ARHGAP19: variants seen among roughly 807,000 people sequenced by gnomAD.
The protein encoded by ARHGAP19 is rho GTPase-activating protein 19.
Under a neutral mutation model 60.9 loss-of-function variants are expected in ARHGAP19, and 48 were observed. The observed-to-expected ratio is 0.79, with a 90% CI of 0.62 to 1.00. The LOEUF is 1.00. Ranked by LOEUF, ARHGAP19 falls within the 50% of genes least tolerant of loss-of-function variation. ARHGAP19 has a pLI of 0.00. For missense variants in ARHGAP19, 562 were observed against 597.2 expected (o/e 0.94, Z 0.61); for synonymous variants, 209 against 215.5 (o/e 0.97, Z 0.27).
chr10:97,243,890 T>C, intron 8 of ARHGAP19, 78 bp downstream of exon 8: 1 of 1,354,536 alleles, frequency 7.4e-7, no homozygotes, highest in East Asian at 2.3e-5. Flanking sequence ...AATGAGATTC[T>C]TAACAATATG....
At chr10:97,265,179 A>ATT (rs1031634328) in intron 2 of ARHGAP19, among the ~76,000 whole-genome samples, 2 of 152,066 alleles carry the variant, frequency 1.3e-5, no homozygotes, top group Non-Finnish European at 2.9e-5. Flanking sequence ...AAGTAAGGAG[A>ATT]TATCTAGCGT....
intron 1 of ARHGAP19, among the ~76,000 whole-genome samples, chr10:97,285,322 T>C (rs908564962): frequency 3.3e-5 from 5 of 152,084 alleles, no homozygotes; most frequent in Admixed American, 2.0e-4. Flanking sequence ...ATACAATTTT[T>C]TAAAACAAAT....
intron 1 of ARHGAP19, among the ~76,000 whole-genome samples, chr10:97,274,846 C>T (rs1246247616): frequency 6.6e-6 from 1 of 152,096 alleles, no homozygotes; most frequent in African/African-American, 2.4e-5. Context: ...GCAACTATCC[C>T]AAAGAATGAT....
At chr10:97,260,294 G>T (rs1842812493) in intron 4 of ARHGAP19, among the ~76,000 whole-genome samples, 1 of 150,958 alleles carries the variant, frequency 6.6e-6, no homozygotes, top group African/African-American at 2.4e-5. Context: ...ACTTTGAGAG[G>T]CCGAGGCGGG....
At chr10:97,237,849 C>T (rs1427075652) in intron 8 of ARHGAP19, among the ~76,000 whole-genome samples, 4 of 151,088 alleles carry the variant, frequency 2.6e-5, no homozygotes, top group Non-Finnish European at 4.4e-5. Context: ...CCAGCCTGGG[C>T]GAAAGAGCGA....
intron 1 of ARHGAP19, among the ~76,000 whole-genome samples, chr10:97,280,599 C>T (rs1212077772): frequency 6.6e-6 from 1 of 150,562 alleles, no homozygotes; most frequent in Non-Finnish European, 1.5e-5. Flanking sequence ...TTTTTTTTCC[C>T]CTAAGACAGG....
intron 6 of ARHGAP19, among the ~76,000 whole-genome samples, chr10:97,247,070 G>C (rs1437530904): frequency 1.3e-5 from 2 of 151,802 alleles, no homozygotes; most frequent in Non-Finnish European, 2.9e-5. Flanking sequence ...CCAGGAGACA[G>C]AGGTTGCAGT....
At chr10:97,272,258 C>G (rs2134903066) in intron 1 of ARHGAP19, among the ~76,000 whole-genome samples, 1 of 150,084 alleles carries the variant, frequency 6.7e-6, no homozygotes, top group East Asian at 2.0e-4. Context: ...GCCTCAGCCT[C>G]CTGAGTAGCT....
chr10:97,265,027 A>T (rs1328840692), intron 2 of ARHGAP19, 121 bp from the exon 3 acceptor site: 1 of 732,024 alleles, frequency 1.4e-6, no homozygotes, highest in Non-Finnish European at 2.3e-6. Context: ...TGGTCAGTAA[A>T]CAAAAACCTT....
chr10:97,289,562 G>A (rs928765415), intron 1 of ARHGAP19, among the ~76,000 whole-genome samples: 1 of 152,054 alleles, frequency 6.6e-6, no homozygotes, highest in Non-Finnish European at 1.5e-5. Context: ...CAGGCCAGGC[G>A]CAGTGGCTGA....
Position 97,229,307 on chromosome 10 carries a change from G to A in ARHGAP19, c.1396-82C>T, listed in dbSNP as rs1315133137. The A allele has an allele frequency of 3.4e-6, 4 of 1,180,646 alleles. No homozygotes were observed. In the African/African-American group the frequency reaches 6.1e-5, roughly 18 times the overall value. 73.1% of individuals were successfully genotyped at this position (1,180,646 alleles called of 1,614,324 possible). A position where few individuals can be genotyped will look rare whatever the true frequency, so the allele number is the denominator to read the frequency against. On this transcript the variant is annotated intron_variant, in intron 10 of 11. Coordinates refer to ENST00000358531, the MANE Select transcript of ARHGAP19 (RefSeq NM_032900.6). Reference sequence around the variant, plus strand: ...GACTTTACTAACAAATGAATTATTTGTTCAATTTCAATGTGAAGAGTTTTT... The same window carrying A: ...GACTTTACTAACAAATGAATTATTTATTCAATTTCAATGTGAAGAGTTTTT...
intron 3 of ARHGAP19, 48 bp downstream of exon 3, chr10:97,264,778 C>G (rs1417577973): frequency 1.4e-6 from 2 of 1,447,938 alleles, no homozygotes; most frequent in East Asian, 4.5e-5. Context: ...CAACAGAAAA[C>G]AGAATTCTTC....
chr10:97,237,081 A>G (rs1162630304), intron 8 of ARHGAP19, among the ~76,000 whole-genome samples: 1 of 152,024 alleles, frequency 6.6e-6, no homozygotes, highest in East Asian at 1.9e-4. Context: ...CCTGGGCAAC[A>G]TGGCGAAACC....
chr10:97,290,770 G>A (rs368138808), intron 1 of ARHGAP19, among the ~76,000 whole-genome samples: 12 of 152,204 alleles, frequency 7.9e-5, no homozygotes, highest in Admixed American at 7.2e-4. Flanking sequence ...GCGGACCCCT[G>A]GAACAGCCTG....
In ARHGAP19 at chr10:97,237,870, CCAAAAAAAAA is replaced by C. The variant is rs1842407109; in HGVS notation, c.1186-2565_1186-2556del. ...TGGGCGAAAGAGCGAGACTCTATCT[CCAAAAAAAAA>C]CAAAAAACAAAAAAACAAAACAACA... On this transcript the variant is annotated intron_variant, in intron 8 of 11. Coordinates refer to ENST00000358531, the MANE Select transcript of ARHGAP19 (RefSeq NM_032900.6). Among the ~76,000 whole-genome samples, 3 of 151,312 alleles carry C rather than the reference CCAAAAAAAAA, an allele frequency of 2.0e-5. No homozygotes were observed. The South Asian group carries it at 6.3e-4, about 32-fold the overall frequency.
At position 97,236,087 on chromosome 10, in the gene ARHGAP19, T is replaced by C. The variant is rs191760550; in HGVS notation, c.1186-772A>G. Among the ~76,000 whole-genome samples the C allele has an allele frequency of 7.9e-4, 120 of 152,286 alleles. 1 individual carries two copies. Among genetic ancestry groups the C allele is most frequent in the African/African-American group, 2.7e-3 (111 of 41,560 alleles). On this transcript the variant is annotated intron_variant, in intron 8 of 11. Transcript: ENST00000358531. ...GCCTCCCAGGTTCAAGCAATTCTCA[T>C]GCCTCAGCCTGGCGAGTAGCTGGGA...
intron 1 of ARHGAP19, among the ~76,000 whole-genome samples, chr10:97,288,035 C>T (rs1306791856): frequency 6.6e-5 from 10 of 151,684 alleles, no homozygotes; most frequent in Non-Finnish European, 8.8e-5. Flanking sequence ...GCATTCCAGC[C>T]GGGGCAACAA....
Position 97,239,288 on chromosome 10 carries a change from A to T in ARHGAP19, c.1186-3973T>A, listed in dbSNP as rs1225759307. Reference sequence around the variant, plus strand: ...GGTGGGGGGATCACAAGGTCAGGAGAACGAGACCATCCTGGCCAACATGGT... The same window carrying T: ...GGTGGGGGGATCACAAGGTCAGGAGTACGAGACCATCCTGGCCAACATGGT... On this transcript the variant is annotated intron_variant, in intron 8 of 11. Coordinates refer to ENST00000358531, the MANE Select transcript of ARHGAP19 (RefSeq NM_032900.6). Among the ~76,000 whole-genome samples, 3 of 152,026 alleles carry T rather than the reference A, an allele frequency of 2.0e-5. No homozygotes were observed. In the East Asian group the frequency reaches 5.8e-4, roughly 29 times the overall value.
chr10:97,266,503 G>A (rs1842900771), intron 1 of ARHGAP19, among the ~76,000 whole-genome samples: 1 of 152,066 alleles, frequency 6.6e-6, no homozygotes, highest in African/African-American at 2.4e-5. Flanking sequence ...ATTACATTGG[G>A]CTATACTCCT....
Sources: allele counts gnomAD v4.1 joint callset (sites outside exome capture counted in the v4.1 genomes callset), GRCh38; gene constraint gnomAD v4.1.1; transcripts MANE v1.5; gene names NCBI Gene and HGNC (gene_info 2026-07-23, HGNC 2026-07-21).